Variants in TCEA3 observed in about 807,000 individuals in gnomAD.
The protein encoded by TCEA3 is transcription elongation factor A protein 3.
Under a neutral mutation model 44.0 loss-of-function variants are expected in TCEA3, and 36 were observed. That is an observed-to-expected ratio of 0.82 (90% CI 0.63 to 1.08). TCEA3 has a LOEUF of 1.08. Ranked by LOEUF, TCEA3 falls within the 50% of genes least tolerant of loss-of-function variation. The pLI is 0.00. For synonymous variants in TCEA3, 162 were observed against 159.7 expected (o/e 1.01, Z -0.11); for missense variants, 392 against 441.2 (o/e 0.89, Z 1.00).
At position 23,381,120 on chromosome 1, in the gene TCEA3, G is replaced by T. The variant is rs1414110874; in HGVS notation, c.*346C>A. On this transcript the variant is annotated 3_prime_UTR_variant, in exon 11 of 11. Transcript: ENST00000450454. ...TATAGAGATGGGGTCTTGCTGTGTT[G>T]CCTGGGCTGGACTCAAACTTCTGGG... is the stretch of plus-strand genomic sequence containing the variant. 2 of 271,852 alleles carry T rather than the reference G, an allele frequency of 7.4e-6. No homozygotes were observed. Among genetic ancestry groups the T allele is most frequent in the Non-Finnish European group, 1.4e-5 (2 of 143,754 alleles). The allele number at this position is 271,852 out of a possible 1,614,324, so 16.8% of individuals were successfully genotyped here.
At chr1:23,413,294 G>A (rs1196036076) in intron 4 of TCEA3, among the ~76,000 whole-genome samples, 3 of 151,362 alleles carry the variant, frequency 2.0e-5, no homozygotes, top group African/African-American at 7.3e-5. Context: ...ACGCCACCAC[G>A]CCCGGCTAAT....
intron 5 of TCEA3, chr1:23,404,041 C>T (rs761223813): frequency 2.9e-6 from 2 of 685,744 alleles, no homozygotes; most frequent in Non-Finnish European, 5.4e-6. Context: ...GTGCCCGCAC[C>T]GCACCAGTCC....
chr1:23,415,417 T>G (rs1330374742), intron 4 of TCEA3, among the ~76,000 whole-genome samples: 1 of 152,168 alleles, frequency 6.6e-6, no homozygotes, highest in Non-Finnish European at 1.5e-5. Flanking sequence ...ATGCCTACAC[T>G]CCCCATGTGA....
chr1:23,421,210 A>T (rs946267), intron 1 of TCEA3, among the ~76,000 whole-genome samples: 113,921 of 152,126 alleles, frequency 0.75, 44,570 homozygotes, highest in Middle Eastern at 0.89. Context: ...CTCATTTAAC[A>T]TTCACAATGG....
Position 23,386,186 on chromosome 1 carries a change from G to A in TCEA3, c.966+1087C>T, listed in dbSNP as rs376610440. Among the ~76,000 whole-genome samples, 10 of 152,290 alleles carry A rather than the reference G, an allele frequency of 6.6e-5. No homozygotes were observed. The East Asian group carries it at 1.7e-3, about 26-fold the overall frequency. ...TGTACCAAGGCTTGCCCTTCTCTCT[G>A]CAGCCTGGAGAGTTTTTAAGGTTTT... On this transcript the variant is annotated intron_variant, in intron 9 of 10. Transcript: ENST00000450454.
chr1:23,392,313 C>G (rs1186766835), intron 8 of TCEA3, among the ~76,000 whole-genome samples: 1 of 111,944 alleles, frequency 8.9e-6, no homozygotes, highest in Non-Finnish European at 1.9e-5. Flanking sequence ...TAATCACACA[C>G]CACACACATA....
chr1:23,415,061 T>C (rs1464461511), intron 4 of TCEA3, among the ~76,000 whole-genome samples: 4 of 150,104 alleles, frequency 2.7e-5, no homozygotes, highest in Admixed American at 6.6e-5. Context: ...TCTCACTCTG[T>C]TGTCCACGCT....
chr1:23,403,271 C>G (rs996138195), intron 5 of TCEA3, among the ~76,000 whole-genome samples: 11 of 152,232 alleles, frequency 7.2e-5, no homozygotes, highest in African/African-American at 2.7e-4. Context: ...AGAACCTAGT[C>G]TCTGGAGCCA....
rs972749179 is a variant in TCEA3, at chr1:23,419,216, A to T, written c.70-77T>A. 4 of 1,116,722 alleles carry T rather than the reference A, an allele frequency of 3.6e-6. No individual in the cohort carries two copies. In the African/African-American group the frequency reaches 6.3e-5, roughly 18 times the overall value. The allele number at this position is 1,116,722 out of a possible 1,614,324, so 69.2% of individuals were successfully genotyped here. A position where few individuals can be genotyped will look rare whatever the true frequency, so the allele number is the denominator to read the frequency against. Reference sequence around the variant, plus strand: ...TCTGACTATTGTGTGGTCTTGGTACAGAGAGCAGGAGGATACAGACAGACA... The same window carrying T: ...TCTGACTATTGTGTGGTCTTGGTACTGAGAGCAGGAGGATACAGACAGACA... On this transcript the variant is annotated intron_variant, in intron 1 of 10. Transcript: ENST00000450454.
At chr1:23,397,005 C>CA (rs34931042) in intron 7 of TCEA3, among the ~76,000 whole-genome samples, 2,786 of 66,426 alleles carry the variant, frequency 0.042, 50 homozygotes, top group East Asian at 0.094. Flanking sequence ...AACTCCGTCT[C>CA]AAAAAAAAAA....
chr1:23,405,604 A>G (rs1160703325), intron 5 of TCEA3, among the ~76,000 whole-genome samples: 1 of 152,152 alleles, frequency 6.6e-6, no homozygotes, highest in East Asian at 1.9e-4. Context: ...CAAAAAAAAA[A>G]AAAAATTAAT....
At chr1:23,398,928 G>T (rs1639299612) in intron 5 of TCEA3, among the ~76,000 whole-genome samples, 1 of 151,200 alleles carries the variant, frequency 6.6e-6, no homozygotes, top group South Asian at 2.1e-4. Context: ...CATCATGCCT[G>T]GCTAATTTTT....
chr1:23,424,744 A>C lies in TCEA3; in HGVS notation c.-111T>G. On this transcript the variant is annotated 5_prime_UTR_variant, in exon 1 of 11. Coordinates refer to ENST00000450454, the MANE Select transcript of TCEA3 (RefSeq NM_003196.3). ...CAACCCGCGCGGGCCCCAAACACACACGACACACACGCCCGGCGGGGGCGG... is the reference window on the plus strand; with the variant it reads ...CAACCCGCGCGGGCCCCAAACACACCCGACACACACGCCCGGCGGGGGCGG... The C allele has an allele frequency of 7.3e-6, 5 of 684,010 alleles. No homozygotes were observed. The highest frequency in any genetic ancestry group is 9.7e-6 in the Non-Finnish European group (4 of 411,840). 42.4% of individuals were successfully genotyped at this position (684,010 alleles called of 1,614,324 possible).
Position 23,386,875 on chromosome 1 carries a change from C to A in TCEA3, c.966+398G>T, listed in dbSNP as rs554812316. On this transcript the variant is annotated intron_variant, in intron 9 of 10. Coordinates refer to ENST00000450454, the MANE Select transcript of TCEA3 (RefSeq NM_003196.3). ...AGCTGGGACTACAGGTGCCCGCCAC[C>A]ACACCCTGCTAATTTTTTGAATTTT... 1.6e-3 allele frequency among the ~76,000 whole-genome samples: 237 copies of A among 152,348 alleles called. 1 individual carries two copies. Among genetic ancestry groups the A allele is most frequent in the South Asian group, 0.015 (71 of 4,830 alleles).
At chr1:23,415,787 C>T (rs1432033031) in intron 4 of TCEA3, among the ~76,000 whole-genome samples, 1 of 152,110 alleles carries the variant, frequency 6.6e-6, no homozygotes, top group Admixed American at 6.5e-5. Context: ...GATACACTTG[C>T]AAAATGAGCA....
chr1:23,422,680 A>G (rs1407178437), intron 1 of TCEA3, among the ~76,000 whole-genome samples: 1 of 152,104 alleles, frequency 6.6e-6, no homozygotes, highest in African/African-American at 2.4e-5. Context: ...AACTGGCTCC[A>G]TGCTGCAGGG....
chr1:23,383,357 T>C, intron 10 of TCEA3: 1 of 884,356 alleles, frequency 1.1e-6, no homozygotes, highest in Non-Finnish European at 1.4e-6. Context: ...ACTGTGGCTT[T>C]ATGCTTATTA....
In TCEA3 at chr1:23,417,326, T is replaced by C. The variant is rs977444531; in HGVS notation, c.303A>G (p.Lys101=). ...EEREKAKKKE[K]GLECSDWKPE... is the part of the protein sequence containing the mutation. The stretch of plus-strand genomic sequence containing the variant: ...GCTTCCAGTCTGAACACTCAAGCCC[T>C]TTTTCCTTCTTCTTTGCCTTTTCTC... Residue 101 remains lysine (K), a synonymous_variant, in exon 4 of 11, where the codon AAA becomes AAG. Coordinates refer to ENST00000450454, the MANE Select transcript of TCEA3 (RefSeq NM_003196.3). 15 of 1,613,866 alleles carry C rather than the reference T, an allele frequency of 9.3e-6. No individual in the cohort carries two copies. In the African/African-American group the frequency reaches 1.1e-4, roughly 11 times the overall value.
intron 5 of TCEA3, among the ~76,000 whole-genome samples, chr1:23,407,811 C>T (rs1398764210): frequency 2.6e-5 from 4 of 152,018 alleles, no homozygotes; most frequent in Admixed American, 2.0e-4. Context: ...ACATAATAGG[C>T]CCTCAATAAA....
Sources: allele counts gnomAD v4.1 joint callset (sites outside exome capture counted in the v4.1 genomes callset), GRCh38; gene constraint gnomAD v4.1.1; transcripts MANE v1.5; gene names NCBI Gene and HGNC (gene_info 2026-07-23, HGNC 2026-07-21).